The following TENT4A variants were observed in gnomAD, a reference collection of about 807,000 sequenced individuals.
TENT4A encodes terminal nucleotidyltransferase 4A.
In TENT4A, 7 loss-of-function variants were observed where a neutral mutation model predicts 72.8. The observed-to-expected ratio is 0.10, with a 90% CI of 0.05 to 0.18. The LOEUF is 0.18. Ranked by LOEUF, TENT4A falls within the 10% of genes least tolerant of loss-of-function variation. The pLI, the probability that TENT4A is intolerant of heterozygous loss-of-function variation, is 1.00. For missense variants in TENT4A, 831 were observed against 1,017.7 expected (o/e 0.82, Z 2.50); for synonymous variants, 456 against 434.3 (o/e 1.05, Z -0.62).
intron 1 of TENT4A, among the ~76,000 whole-genome samples, chr5:6,720,568 C>T (rs940920906): frequency 5.9e-5 from 9 of 151,814 alleles, no homozygotes; most frequent in Admixed American, 5.3e-4. Context: ...CAGGACTACT[C>T]GGGAGGCAGA....
intron 1 of TENT4A, among the ~76,000 whole-genome samples, chr5:6,729,203 G>A (rs573566672): frequency 1.3e-5 from 2 of 152,314 alleles, no homozygotes; most frequent in South Asian, 4.1e-4. Context: ...GTTGTGTATG[G>A]TCTTGGGCCA....
At chr5:6,733,897 A>G (rs986570655) in intron 1 of TENT4A, among the ~76,000 whole-genome samples, 10 of 152,224 alleles carry the variant, frequency 6.6e-5, no homozygotes, top group Non-Finnish European at 1.5e-4. Context: ...AGATAATCCA[A>G]AAAATGTAAA....
chr5:6,745,249 G>C (rs897809118), intron 6 of TENT4A, among the ~76,000 whole-genome samples: 1 of 152,228 alleles, frequency 6.6e-6, no homozygotes, highest in Middle Eastern at 3.2e-3. Flanking sequence ...GAAATATGCA[G>C]AGAACTCCGG....
intron 1 of TENT4A, among the ~76,000 whole-genome samples, chr5:6,715,447 G>A (rs1740322495): frequency 6.6e-6 from 1 of 152,222 alleles, no homozygotes; most frequent in Non-Finnish European, 1.5e-5. Context: ...TGTCCCAGGT[G>A]AGGCTGTTCA....
chr5:6,741,161 G>T (rs547946046), intron 4 of TENT4A, among the ~76,000 whole-genome samples: 1 of 152,156 alleles, frequency 6.6e-6, no homozygotes, highest in Non-Finnish European at 1.5e-5. Context: ...CGTTACTGTC[G>T]CATATTGGCT....
chr5:6,717,338 C>T (rs1445695049), intron 1 of TENT4A, among the ~76,000 whole-genome samples: 2 of 152,244 alleles, frequency 1.3e-5, no homozygotes, highest in East Asian at 1.9e-4. Context: ...AGGACATGCA[C>T]TTCTGAAAAT....
intron 11 of TENT4A, 130 bp downstream of exon 11, chr5:6,751,327 GTGT>G: frequency 1.1e-6 from 1 of 924,934 alleles, no homozygotes; most frequent in South Asian, 1.6e-5. Context: ...GGCCATTGGT[GTGT>G]TGTTCTAGGA....
intron 10 of TENT4A, chr5:6,750,742 A>G: frequency 1.8e-6 from 1 of 550,220 alleles, no homozygotes; most frequent in Non-Finnish European, 3.2e-6. Flanking sequence ...TAATCCTCTA[A>G]ATGGTTGAAC....
chr5:6,730,868 C>T (rs865778587), intron 1 of TENT4A, among the ~76,000 whole-genome samples: 2 of 151,534 alleles, frequency 1.3e-5, no homozygotes, highest in South Asian at 4.2e-4. Flanking sequence ...TTATAATTAG[C>T]TTATTAACTG....
chr5:6,751,246 A>G (rs1451995811), intron 11 of TENT4A, 49 bp downstream of exon 11: 1 of 1,593,190 alleles, frequency 6.3e-7, no homozygotes, highest in Non-Finnish European at 8.6e-7. Context: ...TGGGAACAGC[A>G]TCCGAGCTGT....
At chr5:6,749,372 C>T (rs1329512809) in intron 8 of TENT4A, among the ~76,000 whole-genome samples, 185 bp from the exon 9 acceptor site, 3 of 152,142 alleles carry the variant, frequency 2.0e-5, no homozygotes, top group African/African-American at 7.2e-5. Context: ...TACTGCGATC[C>T]CAGGGTATGC....
chr5:6,746,159 T>C, intron 6 of TENT4A, 55 bp from the exon 7 acceptor site: 1 of 1,612,986 alleles, frequency 6.2e-7, no homozygotes, highest in Non-Finnish European at 8.5e-7. Flanking sequence ...CGCGTGCTAT[T>C]TTCTTTAGAA....
intron 1 of TENT4A, among the ~76,000 whole-genome samples, chr5:6,727,399 C>A (rs542964047): frequency 6.6e-6 from 1 of 152,380 alleles, no homozygotes; most frequent in Admixed American, 6.5e-5. Flanking sequence ...TCCTGACCTT[C>A]TGAGGGCTTG....
At chr5:6,749,717 T>C in intron 9 of TENT4A, 60 bp downstream of exon 9, 1 of 1,088,046 alleles carries the variant, frequency 9.2e-7, no homozygotes, top group Non-Finnish European at 1.4e-6. Context: ...CATGCAGAAG[T>C]GTCTCTATTC....
intron 1 of TENT4A, among the ~76,000 whole-genome samples, chr5:6,728,025 C>A (rs911434574): frequency 6.6e-6 from 1 of 152,214 alleles, no homozygotes; most frequent in African/African-American, 2.4e-5. Flanking sequence ...TGATTTCCAG[C>A]CTTTTGTATA....
chr5:6,724,331 T>A (rs959148326), intron 1 of TENT4A, among the ~76,000 whole-genome samples: 1 of 152,192 alleles, frequency 6.6e-6, no homozygotes, highest in Non-Finnish European at 1.5e-5. Context: ...GCATCGTCTC[T>A]AAACTTATGT....
Position 6,714,295 on chromosome 5 carries a change from G to C in TENT4A, c.312G>C (p.Lys104Asn). ...PAAEGARRLH[K>N]SPSLSSSSSS... Reference sequence around the variant, plus strand: ...CCGAGGGCGCGCGGCGCTTGCACAAGTCGCCGTCGCTGTCGTCCTCGTCGT... The same window carrying C: ...CCGAGGGCGCGCGGCGCTTGCACAACTCGCCGTCGCTGTCGTCCTCGTCGT... Residue 104 changes from lysine (K) to asparagine (N), a missense_variant, in exon 1 of 13, where the codon AAG (lysine) becomes AAC (asparagine). Around this residue, in one of 3 missense-constraint regions of TENT4A, gnomAD observed 302 missense variants for 293.8 expected, o/e 1.03. Coordinates refer to ENST00000230859, the MANE Select transcript of TENT4A (RefSeq NM_006999.6). The C allele has an allele frequency of 9.1e-7, 1 of 1,093,364 alleles. No individual in the cohort carries two copies. The highest frequency in any genetic ancestry group is 1.1e-6 in the Non-Finnish European group (1 of 900,884). The allele number at this position is 1,093,364 out of a possible 1,614,324, so 67.7% of individuals were successfully genotyped here.
At chr5:6,749,967 ATAAT>A (rs1408815501) in intron 9 of TENT4A, among the ~76,000 whole-genome samples, 16 of 152,234 alleles carry the variant, frequency 1.1e-4, no homozygotes, top group African/African-American at 3.9e-4. Flanking sequence ...CAACATAAAA[ATAAT>A]TAAGATATTT....
chr5:6,749,031 G>A (rs28381402), intron 8 of TENT4A, among the ~76,000 whole-genome samples: 2,842 of 152,282 alleles, frequency 0.019, 34 homozygotes, highest in South Asian at 0.041. Flanking sequence ...GAATGGGAAG[G>A]AAGAGTAACG....
Sources: allele counts gnomAD v4.1 joint callset (sites outside exome capture counted in the v4.1 genomes callset), GRCh38; gene constraint gnomAD v4.1.1; regional missense constraint gnomAD v4.1.1; transcripts MANE v1.5; gene names NCBI Gene and HGNC (gene_info 2026-07-23, HGNC 2026-07-21).